COG6: variants seen among roughly 807,000 people sequenced by gnomAD.
COG6 encodes the protein component of oligomeric golgi complex 6, also known as conserved oligomeric Golgi complex subunit 6.
A neutral mutation model predicts 88.8 loss-of-function variants in COG6; 74 were observed. The ratio of observed to expected loss-of-function variants is 0.83; its 90% confidence interval spans 0.69 to 1.01. The LOEUF is 1.01. Ranked by LOEUF, COG6 falls within the 50% of genes least tolerant of loss-of-function variation. COG6 has a pLI of 0.00. For synonymous variants in COG6, 286 were observed against 278.7 expected (o/e 1.03, Z -0.26); for missense variants, 800 against 797.9 (o/e 1.00, Z -0.03).
At chr13:39,778,803 T>C (rs1263838428) in intron 18 of COG6, among the ~76,000 whole-genome samples, 1 of 152,142 alleles carries the variant, frequency 6.6e-6, no homozygotes, top group African/African-American at 2.4e-5. Context: ...GGCTGACACG[T>C]TGGTCTGGTT....
intron 18 of COG6, among the ~76,000 whole-genome samples, chr13:39,748,883 T>C (rs567079550): frequency 2.6e-5 from 4 of 152,320 alleles, no homozygotes; most frequent in African/African-American, 9.6e-5. Context: ...AGATCTTAAG[T>C]GGACTTCTTT....
intron 18 of COG6, among the ~76,000 whole-genome samples, chr13:39,748,774 C>T (rs1413376311): frequency 6.6e-6 from 1 of 152,156 alleles, no homozygotes; most frequent in Non-Finnish European, 1.5e-5. Flanking sequence ...TTCTTCTACT[C>T]ACTGTCATTT....
chr13:39,665,306 G>A (rs1593408166), intron 4 of COG6, 152 bp downstream of exon 4: 4 of 599,732 alleles, frequency 6.7e-6, no homozygotes, highest in East Asian at 5.6e-5. Flanking sequence ...AGTAACTTAA[G>A]CATAAAGACA....
chr13:39,734,552 GC>G (rs1211842126), intron 18 of COG6, among the ~76,000 whole-genome samples: 4 of 152,100 alleles, frequency 2.6e-5, no homozygotes, highest in African/African-American at 4.8e-5. Context: ...TCTATGTGCT[GC>G]AGAGAAAATG....
intron 5 of COG6, among the ~76,000 whole-genome samples, chr13:39,679,074 T>C (rs988925343): frequency 6.6e-6 from 1 of 152,174 alleles, no homozygotes; most frequent in Non-Finnish European, 1.5e-5. Context: ...TCACCTCCTA[T>C]ATATTTAACT....
intron 13 of COG6, among the ~76,000 whole-genome samples, chr13:39,701,914 A>G (rs1170203238): frequency 2.6e-5 from 4 of 152,080 alleles, no homozygotes; most frequent in Admixed American, 6.6e-5. Flanking sequence ...TTCCGTGACA[A>G]ATTAGAAAAC....
At chr13:39,695,783 T>G (rs1877239626) in intron 12 of COG6, among the ~76,000 whole-genome samples, 1 of 151,926 alleles carries the variant, frequency 6.6e-6, no homozygotes, top group Non-Finnish European at 1.5e-5. Flanking sequence ...CCCTTAATAT[T>G]TTAGATATAA....
In COG6 at chr13:39,679,458, C is replaced by T. The variant is rs17060432; in HGVS notation, c.541-80C>T. The T allele has an allele frequency of 5.0e-4, 401 of 809,218 alleles. No individual in the cohort carries two copies. The African/African-American group carries it at 6.3e-3, about 13-fold the overall frequency. 50.1% of individuals were successfully genotyped at this position (809,218 alleles called of 1,614,324 possible). A position where few individuals can be genotyped will look rare whatever the true frequency, so the allele number is the denominator to read the frequency against. On this transcript the variant is annotated intron_variant, in intron 5 of 18. Transcript: ENST00000455146. ...AAAATAGGTGAAAGAGTTTGTTTGC[C>T]CTTGGTAGTGACCTTTCAGTTTTAA...
At chr13:39,720,704 G>T (rs904007847) in intron 15 of COG6, among the ~76,000 whole-genome samples, 1 of 151,856 alleles carries the variant, frequency 6.6e-6, no homozygotes, top group Admixed American at 6.6e-5. Flanking sequence ...ATTTCTTTCA[G>T]TTTTTATAGT....
intron 2 of COG6, 94 bp downstream of exon 2, chr13:39,659,601 G>C: frequency 9.2e-7 from 1 of 1,082,338 alleles, no homozygotes. Context: ...TGATATGTTT[G>C]CTATTTGTAT....
At chr13:39,673,777 G>A (rs1370310637) in intron 4 of COG6, among the ~76,000 whole-genome samples, 1 of 151,646 alleles carries the variant, frequency 6.6e-6, no homozygotes, top group Non-Finnish European at 1.5e-5. Flanking sequence ...TAATATTTTG[G>A]TATATTTCCT....
rs1244926096 is a variant in COG6 at position 39,682,265 on chromosome 13, G to A, written c.788+1G>A. On this transcript the variant is annotated splice_donor_variant, in intron 8 of 18. Coordinates refer to ENST00000455146, the MANE Select transcript of COG6 (RefSeq NM_020751.3). LOFTEE classifies it high-confidence loss of function. ...TGCAGGACAGACCTGTCTTATATAA[G>A]TTGGTGACTTTTTCTTAATTAAAAA... is the stretch of plus-strand genomic sequence containing the variant. 4 of 1,591,666 alleles carry A rather than the reference G, an allele frequency of 2.5e-6. No homozygotes were observed. The highest frequency in any genetic ancestry group is 3.4e-6 in the Non-Finnish European group (4 of 1,160,466).
chr13:39,701,989 A>G (rs1877606699), intron 13 of COG6, among the ~76,000 whole-genome samples: 1 of 152,082 alleles, frequency 6.6e-6, no homozygotes, highest in African/African-American at 2.4e-5. Context: ...TCTAATCAAG[A>G]AAAAAAGAAA....
Position 39,719,809 on chromosome 13 carries a change from G to A in COG6, c.1566G>A (p.Leu522=). The A allele has an allele frequency of 6.2e-7, 1 of 1,611,600 alleles. No individual in the cohort carries two copies. The highest frequency in any genetic ancestry group is 8.5e-7 in the Non-Finnish European group (1 of 1,178,450). The part of the protein sequence containing the change: ...LALFEFTDRR[L]EMLQFQIEAH... The stretch of plus-strand genomic sequence containing the variant: ...TATTTGAATTCACTGACAGACGTCT[G>A]GAAATGCTACAGTTTCAGGTAAATT... The change falls in exon 15 of 19, where the codon CTG becomes CTA. Residue 522 remains leucine (L), a synonymous_variant. Coordinates refer to ENST00000455146, the MANE Select transcript of COG6 (RefSeq NM_020751.3).
chr13:39,714,136 C>A (rs965516643), intron 13 of COG6, among the ~76,000 whole-genome samples: 13 of 152,102 alleles, frequency 8.5e-5, no homozygotes, highest in Admixed American at 8.5e-4. Context: ...AATTTCCTTT[C>A]AACTTTCTCC....
chr13:39,670,181 C>T (rs145007306), intron 4 of COG6, among the ~76,000 whole-genome samples: 1 of 152,226 alleles, frequency 6.6e-6, no homozygotes, highest in Non-Finnish European at 1.5e-5. Context: ...CACAGGACTG[C>T]AGGTTAGCAT....
intron 13 of COG6, among the ~76,000 whole-genome samples, chr13:39,708,678 A>T (rs1049829801): frequency 6.6e-6 from 1 of 152,066 alleles, no homozygotes; most frequent in African/African-American, 2.4e-5. Context: ...TGTCTGGTAA[A>T]ATATAACAAT....
intron 18 of COG6, among the ~76,000 whole-genome samples, chr13:39,780,025 C>T (rs1272240755): frequency 1.3e-5 from 2 of 152,170 alleles, no homozygotes; most frequent in African/African-American, 2.4e-5. Flanking sequence ...CCATGCAGGA[C>T]TTAAAGAAAA....
At chr13:39,695,587 A>G (rs1396924089) in intron 12 of COG6, among the ~76,000 whole-genome samples, 1 of 151,882 alleles carries the variant, frequency 6.6e-6, no homozygotes, top group Non-Finnish European at 1.5e-5. Flanking sequence ...GGAAAGGTTC[A>G]GGGAGCACTA....
Sources: allele counts gnomAD v4.1 joint callset (sites outside exome capture counted in the v4.1 genomes callset), GRCh38; gene constraint gnomAD v4.1.1; transcripts MANE v1.5; gene names NCBI Gene and HGNC (gene_info 2026-07-23, HGNC 2026-07-21).